NFRKB: variants seen among roughly 807,000 people sequenced by gnomAD.
The protein encoded by NFRKB is nuclear factor related to kappa-B-binding protein.
A neutral mutation model predicts 135.7 loss-of-function variants in NFRKB; 62 were observed. That is an observed-to-expected ratio of 0.46 (90% confidence interval 0.37 to 0.56). The LOEUF is 0.56. Ranked by LOEUF, NFRKB falls within the 20% of genes least tolerant of loss-of-function variation. NFRKB has a pLI of 0.00. For missense variants in NFRKB, 1,545 were observed against 1,662.0 expected (o/e 0.93, Z 1.22); for synonymous variants, 678 against 635.6 (o/e 1.07, Z -1.00).
At chr11:129,887,646 C>G (rs1163900543) in intron 4 of NFRKB, among the ~76,000 whole-genome samples, 1 of 152,148 alleles carries the variant, frequency 6.6e-6, no homozygotes, top group African/African-American at 2.4e-5. Context: ...ATTCAAAAAG[C>G]TAAAGAGACG....
chr11:129,871,992 C>T (rs553896295), intron 23 of NFRKB, among the ~76,000 whole-genome samples: 3 of 152,324 alleles, frequency 2.0e-5, no homozygotes, highest in African/African-American at 7.2e-5. Flanking sequence ...ATATTCCTGA[C>T]ACAAAACATC....
rs750302196 is a variant in NFRKB, at chr11:129,881,521, G to C, written c.1319-13C>G. Reference sequence around the variant, plus strand: ...CTGGAAGGAACAGCTGCAAGAAATGGACCACATAAACAAACCATACAGGTG... The same window carrying C: ...CTGGAAGGAACAGCTGCAAGAAATGCACCACATAAACAAACCATACAGGTG... On this transcript the variant is annotated splice_polypyrimidine_tract_variant and intron_variant, in intron 12 of 26. Coordinates refer to ENST00000682444, the MANE Select transcript of NFRKB (RefSeq NM_001143835.2). 1 of 1,613,956 alleles carries C rather than the reference G, an allele frequency of 6.2e-7. No homozygotes were observed. Among genetic ancestry groups the C allele is most frequent in the Non-Finnish European group, 8.5e-7 (1 of 1,179,980 alleles).
chr11:129,864,399 C>G lies in NFRKB; in HGVS notation c.*326G>C. On this transcript the variant is annotated 3_prime_UTR_variant, in exon 27 of 27. Coordinates refer to ENST00000682444, the MANE Select transcript of NFRKB (RefSeq NM_001143835.2). ...AACCAGCCTATTCGCTGTGTGCACTCTGCAACTGGTAAGCCTTCCCTGGGG... is the reference window on the plus strand; with the variant it reads ...AACCAGCCTATTCGCTGTGTGCACTGTGCAACTGGTAAGCCTTCCCTGGGG... 1 of 300,998 alleles carries G rather than the reference C, an allele frequency of 3.3e-6. No homozygotes were observed. The highest frequency in any genetic ancestry group is 6.4e-6 in the Non-Finnish European group (1 of 156,174). The allele number at this position is 300,998 out of a possible 1,614,324, so 18.6% of individuals were successfully genotyped here.
At chr11:129,883,567 C>CA (rs1334430368) in intron 8 of NFRKB, among the ~76,000 whole-genome samples, 4 of 152,182 alleles carry the variant, frequency 2.6e-5, no homozygotes, top group African/African-American at 9.7e-5. Context: ...AGAGAGAACT[C>CA]AGTACTGACT....
chr11:129,883,946 C>T (rs942702445), intron 8 of NFRKB, 124 bp downstream of exon 8: 1 of 1,038,726 alleles, frequency 9.6e-7, no homozygotes, highest in South Asian at 1.3e-5. Context: ...GCCAGCTGCT[C>T]CTGTGCCCAC....
rs1949054735 is a variant in NFRKB, at chr11:129,882,082, T to C, written c.1191+4A>G. On this transcript the variant is annotated splice_donor_region_variant and intron_variant, in intron 11 of 26. Transcript: ENST00000682444. ...TGTACCTCCAACTTTTCCAAAACGC[T>C]TACCATAGGAAGGCTAGCCTGACTC... 1 of 1,595,190 alleles carries C rather than the reference T, an allele frequency of 6.3e-7. No homozygotes were observed. The highest frequency in any genetic ancestry group is 8.5e-7 in the Non-Finnish European group (1 of 1,174,482).
In NFRKB at chr11:129,882,593, C is replaced by T; in HGVS notation, c.940G>A (p.Glu314Lys). Reference sequence around the variant, plus strand: ...TTCTTCTTCTTCTTTTCCTCTTTTTCCTTAACCTTTTTTTTAAGGACAGCC... The same window carrying T: ...TTCTTCTTCTTCTTTTCCTCTTTTTTCTTAACCTTTTTTTTAAGGACAGCC... ...DLAVLKKKVK[E>K]KEEKKKKKIK... is the part of the protein sequence containing the mutation. Residue 314 changes from glutamate to lysine, a missense_variant, in exon 10 of 27, where the codon GAA (glutamate) becomes AAA (lysine). Coordinates refer to ENST00000682444, the MANE Select transcript of NFRKB (RefSeq NM_001143835.2). 1 of 1,613,798 alleles carries T rather than the reference C, an allele frequency of 6.2e-7. No individual in the cohort carries two copies. Among genetic ancestry groups the T allele is most frequent in the South Asian group, 1.1e-5 (1 of 91,076 alleles).
Position 129,874,646 on chromosome 11 carries a change from T to A in NFRKB, c.1979-66A>T. 1 of 1,605,602 alleles carries A rather than the reference T, an allele frequency of 6.2e-7. No individual in the cohort carries two copies. Among genetic ancestry groups the A allele is most frequent in the South Asian group, 1.1e-5 (1 of 89,958 alleles). On this transcript the variant is annotated intron_variant, in intron 19 of 26. Coordinates refer to ENST00000682444, the MANE Select transcript of NFRKB (RefSeq NM_001143835.2). The surrounding 1 kb of genome is among the most constrained non-coding windows in gnomAD (Gnocchi z 4.5). ...TAGCAAACTAAAAAGAGGGGCTTTGTTAAAAACCAACACCTTGCCAGTGGA... is the reference window on the plus strand; with the variant it reads ...TAGCAAACTAAAAAGAGGGGCTTTGATAAAAACCAACACCTTGCCAGTGGA...
At chr11:129,868,394 T>C (rs565551985) in intron 24 of NFRKB, among the ~76,000 whole-genome samples, 2 of 152,318 alleles carry the variant, frequency 1.3e-5, no homozygotes, top group Admixed American at 1.3e-4. Flanking sequence ...AACCCCCTTT[T>C]CACCAGTAAG....
intron 6 of NFRKB, 110 bp downstream of exon 6, chr11:129,885,325 C>A: frequency 7.8e-7 from 1 of 1,288,016 alleles, no homozygotes; most frequent in Admixed American, 2.4e-5. Flanking sequence ...CCAGACAACT[C>A]AAGAGGGTTT....
chr11:129,872,732 G>T, intron 23 of NFRKB, 152 bp downstream of exon 23: 1 of 705,854 alleles, frequency 1.4e-6, no homozygotes, highest in Non-Finnish European at 2.3e-6. Context: ...TTTGCCTTTG[G>T]TGGGAACTCA....
Position 129,869,907 on chromosome 11 carries a change from T to C in NFRKB, c.3118A>G (p.Thr1040Ala), listed in dbSNP as rs772079372. The change falls in exon 24 of 27, where the codon ACT becomes GCT. Residue 1040 changes from threonine to alanine, a missense_variant. Thr to Ala is a moderately conservative substitution (Grantham distance 58). Transcript: ENST00000682444. ...SAPSSTPTGTTVVKVTPDLKP... is the reference protein window; with the variant it reads ...SAPSSTPTGTAVVKVTPDLKP... ...AGGTCAGGAGTCACTTTGACCACAG[T>C]GGTACCTGTTGGAGTGGATGAAGGG... The C allele has an allele frequency of 6.2e-6, 10 of 1,614,242 alleles. No homozygotes were observed. Among genetic ancestry groups the C allele is most frequent in the South Asian group, 2.2e-5 (2 of 91,090 alleles).
chr11:129,867,319 ACT>A (rs1440097367), intron 24 of NFRKB, among the ~76,000 whole-genome samples: 1 of 145,322 alleles, frequency 6.9e-6, no homozygotes, highest in African/African-American at 2.6e-5. Context: ...AACCTAAGTA[ACT>A]CTTTTTTTTT....
Position 129,864,795 on chromosome 11 carries a change from G to C in NFRKB, c.3830C>G (p.Ser1277Cys). ...SHLQQGTASGSSKAVSTVVVT... is the reference protein window; with the variant it reads ...SHLQQGTASGCSKAVSTVVVT... ...AACAACAGTGGAGACTGCTTTGGAG[G>C]AGCCAGAAGCTGTTCCCTGTTGGAG... Residue 1277 changes from serine (S) to cysteine (C), a missense_variant, in exon 27 of 27, where the codon TCC becomes TGC. Physicochemically the swap from Ser to Cys is moderately radical, Grantham distance 112. Around this residue, in one of 3 missense-constraint regions of NFRKB, gnomAD observed 753 missense variants for 804.3 expected, o/e 0.94. Transcript: ENST00000682444. 1 of 1,614,236 alleles carries C rather than the reference G, an allele frequency of 6.2e-7. No individual in the cohort carries two copies. The highest frequency in any genetic ancestry group is 8.5e-7 in the Non-Finnish European group (1 of 1,180,046).
rs1949165742 is a variant in NFRKB at position 129,884,246 on chromosome 11, C to T, written c.743-103G>A. The T allele has an allele frequency of 5.1e-6, 6 of 1,181,208 alleles. No homozygotes were observed. The South Asian group carries it at 7.3e-5, about 14-fold the overall frequency. The allele number at this position is 1,181,208 out of a possible 1,614,324, so 73.2% of individuals were successfully genotyped here. A position where few individuals can be genotyped will look rare whatever the true frequency, so the allele number is the denominator to read the frequency against. On this transcript the variant is annotated intron_variant, in intron 7 of 26. Transcript: ENST00000682444. Reference sequence around the variant, plus strand: ...TATTTCTGAGTTTCCCTTCTGACACCTGTGAACTACAAGTACCAAAAATCT... The same window carrying T: ...TATTTCTGAGTTTCCCTTCTGACACTTGTGAACTACAAGTACCAAAAATCT...
Position 129,864,530 on chromosome 11 carries a change from T to C in NFRKB, c.*195A>G, listed in dbSNP as rs1948098046. The C allele has an allele frequency of 3.2e-6, 2 of 633,994 alleles. No individual in the cohort carries two copies. Among genetic ancestry groups the C allele is most frequent in the African/African-American group, 3.7e-5 (2 of 54,466 alleles). The allele number at this position is 633,994 out of a possible 1,614,324, so 39.3% of individuals were successfully genotyped here. A position where few individuals can be genotyped will look rare whatever the true frequency, so the allele number is the denominator to read the frequency against. ...GAGAGCAGACCTTGGAACCCTGGAG[T>C]GAACCTTTCTCAGGGTGCTCCACTA... On this transcript the variant is annotated 3_prime_UTR_variant, in exon 27 of 27. Coordinates refer to ENST00000682444, the MANE Select transcript of NFRKB (RefSeq NM_001143835.2).
In NFRKB at chr11:129,870,030, C is replaced by T. The variant is rs1948423019; in HGVS notation, c.2995G>A (p.Gly999Ser). 2 of 1,614,252 alleles carry T rather than the reference C, an allele frequency of 1.2e-6. No individual in the cohort carries two copies. Among genetic ancestry groups the T allele is most frequent in the Non-Finnish European group, 1.7e-6 (2 of 1,180,040 alleles). Residue 999 changes from glycine to serine, a missense_variant, in exon 24 of 27, where the codon GGC (glycine) becomes AGC (serine). Coordinates refer to ENST00000682444, the MANE Select transcript of NFRKB (RefSeq NM_001143835.2). ...KLTQDLFGTG[G>S]NTTGKGISAT... ...GAGATGCCTTTGCCTGTAGTGTTGC[C>T]TCCTGTCCCGAAGAGGTCCTGGGTC...
chr11:129,891,633 T>TG (rs1408253795), intron 3 of NFRKB, among the ~76,000 whole-genome samples: 1 of 152,204 alleles, frequency 6.6e-6, no homozygotes, highest in African/African-American at 2.4e-5. Context: ...TTAGCACCAC[T>TG]GCAGTGGCCT....
intron 13 of NFRKB, among the ~76,000 whole-genome samples, chr11:129,880,911 C>A (rs547044903): frequency 6.6e-6 from 1 of 152,324 alleles, no homozygotes; most frequent in East Asian, 1.9e-4. Context: ...CAAGAAGAAA[C>A]CAACACTGGA....
Sources: allele counts gnomAD v4.1 joint callset (sites outside exome capture counted in the v4.1 genomes callset), GRCh38; gene constraint gnomAD v4.1.1; regional missense constraint gnomAD v4.1.1; non-coding constraint Gnocchi (gnomAD v3.1); transcripts MANE v1.5; gene names NCBI Gene and HGNC (gene_info 2026-07-23, HGNC 2026-07-21).